Variants in CDYL observed in about 807,000 individuals in gnomAD.
CDYL encodes chromodomain Y like.
In CDYL, 8 loss-of-function variants were observed where a neutral mutation model predicts 47.3. The observed-to-expected ratio is 0.17, with a 90% CI of 0.10 to 0.31. The LOEUF (loss-of-function observed/expected upper bound fraction) is 0.31. Among genes scored for constraint, CDYL ranks in the 10% least tolerant of loss-of-function variants. CDYL has a pLI of 1.00. For missense variants in CDYL, 471 were observed against 701.4 expected, an observed-to-expected ratio of 0.67 and a Z score of 3.71; for synonymous variants, 266 against 265.0, an observed-to-expected ratio of 1.00 and a Z score of -0.04.
intron 2 of CDYL, among the ~76,000 whole-genome samples, chr6:4,717,441 G>A (rs1490331546): frequency 2.0e-5 from 3 of 151,976 alleles, no homozygotes; most frequent in African/African-American, 7.3e-5. Context: ...CAGGCACGGT[G>A]GCTAAAGGCC....
Position 4,891,959 on chromosome 6 carries a change from T to C in CDYL, c.271T>C (p.Phe91Leu). ...AATCTCCAGATCCACCAACAGCAAC[T>C]TTTCTAAGACCTCTCCTAAGGCACT... is the stretch of plus-strand genomic sequence containing the variant. ...KQISRSTNSN[F>L]SKTSPKALVI... is the part of the protein sequence containing the mutation. The change falls in exon 2 of 7, where the codon TTT (phenylalanine) becomes CTT (leucine). Residue 91 changes from phenylalanine to leucine, a missense_variant. This residue lies in a region of CDYL where 311 missense variants were observed against 350.0 expected (regional missense o/e 0.89). Transcript: ENST00000397588. 6.2e-7 allele frequency: 1 copy of C among 1,614,086 alleles called. No homozygotes were observed.
chr6:4,926,159 A>G (rs1045102059), intron 2 of CDYL, among the ~76,000 whole-genome samples: 7 of 152,216 alleles, frequency 4.6e-5, no homozygotes, highest in African/African-American at 1.7e-4. Flanking sequence ...TAAAGGATTT[A>G]TTTAACACAT....
intron 3 of CDYL, among the ~76,000 whole-genome samples, chr6:4,760,372 CAAAA>C (rs35627666): frequency 1.9e-5 from 2 of 103,574 alleles, no homozygotes; most frequent in Non-Finnish European, 2.1e-5. Context: ...CACAGCAATA[CAAAA>C]AAAAAAAAAA....
rs180842942 is a variant in CDYL, at chr6:4,829,191, A to G, written c.24+52384A>G. ...TGAAAACTGCACATTTGACATTATA[A>G]TGTAATTCTGGAAATCAGATTTTCT... is the stretch of plus-strand genomic sequence containing the variant. On this transcript the variant is annotated intron_variant, in intron 1 of 6. Transcript: ENST00000397588. 3.3e-3 allele frequency among the ~76,000 whole-genome samples: 503 copies of G among 152,298 alleles called. 3 individuals are homozygous for G. The highest frequency in any genetic ancestry group is 4.3e-3 in the Non-Finnish European group (295 of 68,020).
Position 4,715,317 on chromosome 6 carries a change from T to G in CDYL, c.-38-424T>G, listed in dbSNP as rs570149813. 2.8e-3 allele frequency among the ~76,000 whole-genome samples: 424 copies of G among 152,316 alleles called. 4 individuals are homozygous for G. Among genetic ancestry groups the G allele is most frequent in the African/African-American group, 9.8e-3 (408 of 41,566 alleles). ...TCCTTGTCATCTGTGTCCACCAGTC[T>G]ACTAGAAAAGCTGAAAAAAGGAAAG... On this transcript the variant is annotated intron_variant, in intron 1 of 8. Coordinates refer to the CDYL transcript ENST00000328908.
intron 2 of CDYL, among the ~76,000 whole-genome samples, chr6:4,894,008 C>T (rs879917416): frequency 1.1e-4 from 17 of 152,326 alleles, no homozygotes; most frequent in Admixed American, 5.9e-4. Context: ...GTGCCTTTTC[C>T]GGCTTCATTG....
intron 1 of CDYL, among the ~76,000 whole-genome samples, chr6:4,813,036 A>G (rs750651722): frequency 6.6e-6 from 1 of 152,236 alleles, no homozygotes; most frequent in Non-Finnish European, 1.5e-5. Flanking sequence ...TAGGAAAATC[A>G]CTAAGTTTTC....
chr6:4,860,315 G>A (rs561161580), intron 1 of CDYL, among the ~76,000 whole-genome samples: 18 of 151,512 alleles, frequency 1.2e-4, no homozygotes, highest in Non-Finnish European at 2.1e-4. Context: ...TGTTACCACC[G>A]GTTCTTGCCA....
At chr6:4,718,911 GGTTT>G (rs1757319730) in intron 2 of CDYL, among the ~76,000 whole-genome samples, 1 of 101,884 alleles carries the variant, frequency 9.8e-6, no homozygotes, top group Admixed American at 9.6e-5. Context: ...TATTTCCACT[GGTTT>G]TTTTTTTTCT....
chr6:4,844,970 A>G (rs1303032842), intron 1 of CDYL, among the ~76,000 whole-genome samples: 1 of 152,200 alleles, frequency 6.6e-6, no homozygotes, highest in African/African-American at 2.4e-5. Context: ...CTAAATTTAG[A>G]TGCTGTAAAA....
intron 1 of CDYL, among the ~76,000 whole-genome samples, chr6:4,879,403 T>C (rs1761702737): frequency 6.6e-6 from 1 of 152,216 alleles, no homozygotes; most frequent in Non-Finnish European, 1.5e-5. Context: ...ATTGACCTTA[T>C]AATAAAGAAA....
intron 3 of CDYL, among the ~76,000 whole-genome samples, chr6:4,743,519 G>A (rs1367123510): frequency 6.6e-6 from 1 of 152,164 alleles, no homozygotes; most frequent in Admixed American, 6.5e-5. Flanking sequence ...CCTTCCCCCA[G>A]CCACATCTTC....
chr6:4,919,327 GTT>G (rs1757645440), intron 2 of CDYL, among the ~76,000 whole-genome samples: 1 of 152,098 alleles, frequency 6.6e-6, no homozygotes, highest in Non-Finnish European at 1.5e-5. Context: ...AGAAGTAAGA[GTT>G]TGTGAAGGTA....
intron 5 of CDYL, among the ~76,000 whole-genome samples, chr6:4,949,951 A>G (rs777224068): frequency 4.2e-4 from 64 of 152,234 alleles, no homozygotes; most frequent in African/African-American, 1.5e-3. Context: ...TGCACATCCA[A>G]CCACCTGGAA....
At chr6:4,822,936 A>G (rs1759881532) in intron 1 of CDYL, among the ~76,000 whole-genome samples, 1 of 152,182 alleles carries the variant, frequency 6.6e-6, no homozygotes, top group Non-Finnish European at 1.5e-5. Context: ...CTTTAAATGA[A>G]CAAATAACTT....
At chr6:4,830,768 A>C in intron 1 of CDYL, among the ~76,000 whole-genome samples, 1 of 92,766 alleles carries the variant, frequency 1.1e-5, no homozygotes, top group South Asian at 4.1e-4. Flanking sequence ...CCCACCCCAC[A>C]ACAGGCCCCA....
intron 2 of CDYL, among the ~76,000 whole-genome samples, chr6:4,935,092 A>G (rs11760194): frequency 6.6e-6 from 1 of 152,338 alleles, no homozygotes; most frequent in East Asian, 1.9e-4. Flanking sequence ...TTTATCTTGC[A>G]TTTGGAAAAA....
chr6:4,797,792 A>AT (rs1759117101), intron 1 of CDYL, among the ~76,000 whole-genome samples: 1 of 152,080 alleles, frequency 6.6e-6, no homozygotes, highest in African/African-American at 2.4e-5. Flanking sequence ...TTAATACCCC[A>AT]TTTTGTGGAT....
chr6:4,815,432 G>A (rs182639886), intron 1 of CDYL, among the ~76,000 whole-genome samples: 4 of 152,140 alleles, frequency 2.6e-5, no homozygotes, highest in Admixed American at 2.6e-4. Context: ...CTGTCATTTA[G>A]CCATTTCTCT....
Sources: allele counts gnomAD v4.1 joint callset (sites outside exome capture counted in the v4.1 genomes callset), GRCh38; gene constraint gnomAD v4.1.1; regional missense constraint gnomAD v4.1.1; transcripts MANE v1.5; gene names NCBI Gene and HGNC (gene_info 2026-07-23, HGNC 2026-07-21).